The following TVP23C variants were observed in gnomAD, a reference collection of about 807,000 sequenced individuals.
The protein encoded by TVP23C is trans-golgi network vesicle protein 23 homolog C, also known as Golgi apparatus membrane protein TVP23 homolog C.
A neutral mutation model predicts 28.7 loss-of-function variants in TVP23C; 19 were observed. The ratio of observed to expected loss-of-function variants is 0.66; its 90% confidence interval spans 0.46 to 0.97. The LOEUF is 0.97. Among genes scored for constraint, TVP23C ranks in the 50% least tolerant of loss-of-function variants. The probability of loss-of-function intolerance (pLI) is 0.00; values close to 1 mark genes in which losing one functional copy is unlikely to be tolerated. For missense variants in TVP23C, 186 were observed against 241.3 expected, an observed-to-expected ratio of 0.77 and a Z score of 1.52; for synonymous variants, 68 against 81.7, an observed-to-expected ratio of 0.83 and a Z score of 0.90.
At chr17:15,544,586 A>G (rs1983560394) in intron 5 of TVP23C, among the ~76,000 whole-genome samples, 1 of 151,938 alleles carries the variant, frequency 6.6e-6, no homozygotes. Context: ...AAATAAGACT[A>G]TAATAAGCAA....
chr17:15,511,053 C>CAAAAAAAA (rs58794054), intron 5 of TVP23C, among the ~76,000 whole-genome samples: 7 of 83,408 alleles, frequency 8.4e-5, no homozygotes, highest in Admixed American at 1.6e-4. Context: ...GACTTCGTCT[C>CAAAAAAAA]AAAAAAAAAA....
At chr17:15,560,843 C>T (rs1482504312) in intron 1 of TVP23C, among the ~76,000 whole-genome samples, 1 of 149,798 alleles carries the variant, frequency 6.7e-6, no homozygotes, top group Non-Finnish European at 1.5e-5. Flanking sequence ...TGTGAGCCAC[C>T]GCACCCGGCC....
downstream of TVP23C, among the ~76,000 whole-genome samples, chr17:15,535,520 C>T (rs1256224113): frequency 2.0e-5 from 3 of 151,508 alleles, no homozygotes; most frequent in Non-Finnish European, 4.4e-5. Context: ...GGCTCCTTCC[C>T]CAGCCATCAC....
At chr17:15,507,696 G>A (rs912810833) in intron 5 of TVP23C, among the ~76,000 whole-genome samples, 6 of 152,182 alleles carry the variant, frequency 3.9e-5, no homozygotes, top group South Asian at 2.1e-4. Context: ...AAAATTAGCC[G>A]GGTCTGGTGG....
At chr17:15,510,519 A>G (rs938615524) in intron 5 of TVP23C, among the ~76,000 whole-genome samples, 2 of 152,228 alleles carry the variant, frequency 1.3e-5, no homozygotes, top group African/African-American at 4.8e-5. Flanking sequence ...GGGAATGCTT[A>G]TAAACGGCTG....
chr17:15,542,121 A>T (rs1329863717), intron 5 of TVP23C, among the ~76,000 whole-genome samples: 1 of 152,246 alleles, frequency 6.6e-6, no homozygotes, highest in Non-Finnish European at 1.5e-5. Flanking sequence ...GAGCAGCTCT[A>T]CATAGCTCCA....
Position 15,521,377 on chromosome 17 carries a change from G to A in TVP23C, c.463-18145C>T, listed in dbSNP as rs187593565. Among the ~76,000 whole-genome samples, 247 of 152,218 alleles carry A rather than the reference G, an allele frequency of 1.6e-3. 3 individuals carry two copies. The highest frequency in any genetic ancestry group is 8.4e-3 in the Admixed American group (129 of 15,294). On this transcript the variant is annotated intron_variant, in intron 5 of 5. Transcript: ENST00000225576. ...AAATTGGCCAGGCGTGGTGGTGGGC[G>A]CCTGCAGTTCCAGCTACCTGGGAGG...
At chr17:15,525,070 C>T (rs1213160445) in intron 5 of TVP23C, among the ~76,000 whole-genome samples, 1 of 152,238 alleles carries the variant, frequency 6.6e-6, no homozygotes, top group African/African-American at 2.4e-5. Flanking sequence ...CTGCTCCATC[C>T]AGGGAGCCCC....
chr17:15,540,742 C>T (rs931775158), intron 5 of TVP23C, among the ~76,000 whole-genome samples, 181 bp from the exon 6 acceptor site: 18 of 152,038 alleles, frequency 1.2e-4, no homozygotes, highest in African/African-American at 3.1e-4. Flanking sequence ...ATCTGATAGA[C>T]GCTCTGCACA....
chr17:15,521,010 A>G (rs1271773910), intron 5 of TVP23C, among the ~76,000 whole-genome samples: 1 of 151,838 alleles, frequency 6.6e-6, no homozygotes, highest in Non-Finnish European at 1.5e-5. Context: ...AGCTAACCAC[A>G]AATAGAAAAG....
intron 5 of TVP23C, among the ~76,000 whole-genome samples, chr17:15,520,121 T>A (rs1173877323): frequency 6.6e-6 from 1 of 150,898 alleles, no homozygotes; most frequent in Non-Finnish European, 1.5e-5. Context: ...TCCAGCCTGA[T>A]CAACCATGAT....
exon 6 of TVP23C, chr17:15,502,833 C>CT (rs1344829364): frequency 5.9e-6 from 9 of 1,516,366 alleles, no homozygotes; most frequent in Non-Finnish European, 5.3e-6. Context: ...TCTCTCTCTC[C>CT]TGCGAGGAGC....
chr17:15,553,064 T>C (rs1983965371), intron 3 of TVP23C, among the ~76,000 whole-genome samples: 2 of 150,418 alleles, frequency 1.3e-5, no homozygotes, highest in African/African-American at 2.5e-5. Context: ...AGGTAGTTCT[T>C]TGTTGCAGAG....
At chr17:15,512,922 TG>T (rs1447638487) in intron 5 of TVP23C, among the ~76,000 whole-genome samples, 1 of 152,208 alleles carries the variant, frequency 6.6e-6, no homozygotes, top group Non-Finnish European at 1.5e-5. Flanking sequence ...ATTTCACATA[TG>T]GGCTATGTAG....
Position 15,557,187 on chromosome 17 carries a change from G to A in TVP23C, c.13-1823C>T, listed in dbSNP as rs908001836. 8.0e-5 allele frequency among the ~76,000 whole-genome samples: 12 copies of A among 149,286 alleles called. 1 individual carries two copies. Among genetic ancestry groups the A allele is most frequent in the Admixed American group, 3.4e-4 (5 of 14,734 alleles). On this transcript the variant is annotated intron_variant, in intron 1 of 5. Coordinates refer to ENST00000518321, the MANE Select transcript of TVP23C (RefSeq NM_001135036.2). ...AAATCCCCATGTTCCCACAGCACTT[G>A]GACGAATCTCCATTTGAACAATTAT...
At chr17:15,514,066 C>G (rs1195382236) in intron 5 of TVP23C, among the ~76,000 whole-genome samples, 1 of 152,216 alleles carries the variant, frequency 6.6e-6, no homozygotes, top group African/African-American at 2.4e-5. Flanking sequence ...TTCTTATCAC[C>G]GTTCATGGGG....
downstream of TVP23C, among the ~76,000 whole-genome samples, chr17:15,532,862 A>C (rs6502461): frequency 0.26 from 39,501 of 152,108 alleles, 5,856 homozygotes; most frequent in African/African-American, 0.41. Flanking sequence ...GACATTACCA[A>C]CCATGATAGA....
At chr17:15,520,263 C>T (rs1396706151) in intron 5 of TVP23C, among the ~76,000 whole-genome samples, 1 of 151,038 alleles carries the variant, frequency 6.6e-6, no homozygotes, top group Non-Finnish European at 1.5e-5. Flanking sequence ...TTTTTCTAAT[C>T]TCTAAAGACA....
chr17:15,545,868 A>C lies in TVP23C; in HGVS notation c.379T>G (p.Phe127Val). Residue 127 changes from phenylalanine (F) to valine (V), a missense_variant, in exon 5 of 6, where the codon TTT becomes GTT. This residue lies in a region of TVP23C where 74 missense variants were observed against 96.0 expected (regional missense o/e 0.77). Coordinates refer to ENST00000518321, the MANE Select transcript of TVP23C (RefSeq NM_001135036.2). ...KTVSEAESRI[F>V]WLGLIACSVL... is the part of the protein sequence containing the mutation. Reference sequence around the variant, plus strand: ...GAACAGGCAATAAGTCCCAACCAAAAGATTCTTGATTCAGCCTCTGACACA... The same window carrying C: ...GAACAGGCAATAAGTCCCAACCAAACGATTCTTGATTCAGCCTCTGACACA... 1 of 1,614,144 alleles carries C rather than the reference A, an allele frequency of 6.2e-7. No homozygotes were observed. Among genetic ancestry groups the C allele is most frequent in the Non-Finnish European group, 8.5e-7 (1 of 1,179,988 alleles).
Sources: allele counts gnomAD v4.1 joint callset (sites outside exome capture counted in the v4.1 genomes callset), GRCh38; gene constraint gnomAD v4.1.1; regional missense constraint gnomAD v4.1.1; transcripts MANE v1.5; gene names NCBI Gene and HGNC (gene_info 2026-07-23, HGNC 2026-07-21).